MRM1: variants seen among roughly 807,000 people sequenced by gnomAD.
MRM1 encodes mitochondrial rRNA methyltransferase 1.
MRM1 carries 24 observed loss-of-function variants against 25.0 expected under a neutral mutation model. The ratio of observed to expected loss-of-function variants is 0.96; its 90% CI spans 0.69 to 1.35. MRM1 has a LOEUF of 1.35. Ranked by LOEUF, MRM1 falls within the 40% of genes most tolerant of loss-of-function variation. The pLI, the probability that MRM1 is intolerant of heterozygous loss-of-function variation, is 0.00. For missense variants in MRM1, 431 were observed against 464.1 expected, an observed-to-expected ratio of 0.93 and a Z score of 0.65; for synonymous variants, 188 against 199.2, an observed-to-expected ratio of 0.94 and a Z score of 0.47.
At chr17:36,620,335 A>G in the MRM1 span, among the ~76,000 whole-genome samples, 22 of 152,296 alleles carry the variant, frequency 1.4e-4, no homozygotes, top group African/African-American at 5.1e-4. Flanking sequence ...GACTATTGCA[A>G]CAGTTGAGGG....
At position 36,608,454 on chromosome 17, in the gene MRM1, A is replaced by ACGGC; in HGVS notation, c.*42_*45dup. On this transcript the variant is annotated 3_prime_UTR_variant, in exon 5 of 5. Coordinates refer to ENST00000614766, the MANE Select transcript of MRM1 (RefSeq NM_024864.5). ...CAGTGTTCATGTGCTGGAGTCAGGG[A>ACGGC]CGGCCGCACCTGCCTCCGCCGGCTC... 1 of 1,331,156 alleles carries ACGGC rather than the reference A, an allele frequency of 7.5e-7. No individual in the cohort carries two copies. Among genetic ancestry groups the ACGGC allele is most frequent in the Non-Finnish European group, 9.8e-7 (1 of 1,021,212 alleles). The allele number at this position is 1,331,156 out of a possible 1,614,324, so 82.5% of individuals were successfully genotyped here.
the MRM1 span, among the ~76,000 whole-genome samples, chr17:36,619,687 G>C: frequency 6.6e-5 from 10 of 151,886 alleles, no homozygotes; most frequent in East Asian, 1.7e-3. Flanking sequence ...AAAAGACGCT[G>C]CCTTCAGTTC....
chr17:36,613,512 C>G (rs529117801), downstream of MRM1, among the ~76,000 whole-genome samples: 1 of 152,348 alleles, frequency 6.6e-6, no homozygotes, highest in South Asian at 2.1e-4. Flanking sequence ...TTCAGGCCTC[C>G]TCCCCAGCCA....
chr17:36,615,249 C>G, the MRM1 span, among the ~76,000 whole-genome samples: 4 of 152,232 alleles, frequency 2.6e-5, no homozygotes, highest in African/African-American at 4.8e-5. Context: ...CCTGCCCTCT[C>G]TGCAGTCTGG....
At chr17:36,626,991 G>A in the MRM1 span, among the ~76,000 whole-genome samples, 1 of 152,236 alleles carries the variant, frequency 6.6e-6, no homozygotes, top group Non-Finnish European at 1.5e-5. Flanking sequence ...CTGCGCATCT[G>A]CGGACAGTCT....
intron 4 of MRM1, 100 bp from the exon 5 acceptor site, chr17:36,608,143 T>A: frequency 1.3e-6 from 2 of 1,524,524 alleles, no homozygotes; most frequent in Non-Finnish European, 1.8e-6. Flanking sequence ...ATGGGGAAAT[T>A]ACATCCCGTT....
At chr17:36,628,977 G>A in the MRM1 span, among the ~76,000 whole-genome samples, 108 of 152,246 alleles carry the variant, frequency 7.1e-4, 1 homozygote, top group East Asian at 2.1e-3. Flanking sequence ...AGAGACCCAT[G>A]AAACAGATTG....
the MRM1 span, among the ~76,000 whole-genome samples, chr17:36,632,468 A>T: frequency 8.5e-5 from 13 of 152,244 alleles, no homozygotes; most frequent in African/African-American, 3.1e-4. Flanking sequence ...CTGGGGCAAG[A>T]TGGGATGGTA....
Position 36,608,548 on chromosome 17 carries a change from G to C in MRM1, c.*133G>C, listed in dbSNP as rs1251904917. On this transcript the variant is annotated 3_prime_UTR_variant, in exon 5 of 5. Transcript: ENST00000614766. ...TTTATTGACCACAGTCTGGGGGGGG[G>C]GGAAGGGGACTGCGGTGGACACCAG... 7.9e-6 allele frequency: 4 copies of C among 506,276 alleles called. 2 individuals are homozygous for C. The highest frequency in any genetic ancestry group is 7.9e-5 in the East Asian group (2 of 25,276). 31.4% of individuals were successfully genotyped at this position (506,276 alleles called of 1,614,324 possible).
intron 2 of MRM1, chr17:36,603,420 TGA>T (rs2074900083): frequency 5.9e-6 from 1 of 170,148 alleles, no homozygotes; most frequent in African/African-American, 2.4e-5. Flanking sequence ...ATTAATTTTT[TGA>T]GAGAGTTTCA....
In MRM1 at chr17:36,602,353, G is replaced by T. The variant is rs779534627; in HGVS notation, c.542+1G>T. Reference sequence around the variant, plus strand: ...AGGTCATCACCAGCCGGAGAAACAGGCACGGACGTCCCTCATTCTCTATGT... The same window carrying T: ...AGGTCATCACCAGCCGGAGAAACAGTCACGGACGTCCCTCATTCTCTATGT... On this transcript the variant is annotated splice_donor_variant, in intron 1 of 4. Coordinates refer to ENST00000614766, the MANE Select transcript of MRM1 (RefSeq NM_024864.5). LOFTEE classifies it high-confidence loss of function. The surrounding 1 kb of genome is among the most constrained non-coding windows in gnomAD (Gnocchi z 4.1). The T allele has an allele frequency of 6.4e-7, 1 of 1,555,510 alleles. No individual in the cohort carries two copies. The highest frequency in any genetic ancestry group is 8.7e-7 in the Non-Finnish European group (1 of 1,147,698).
chr17:36,611,944 G>A (rs752175588), downstream of MRM1, among the ~76,000 whole-genome samples: 15 of 129,578 alleles, frequency 1.2e-4, no homozygotes, highest in Non-Finnish European at 1.7e-4. Flanking sequence ...ATAATCTCTT[G>A]AACACACGCA....
At chr17:36,627,966 G>A in the MRM1 span, among the ~76,000 whole-genome samples, 9 of 152,104 alleles carry the variant, frequency 5.9e-5, no homozygotes, top group Non-Finnish European at 1.0e-4. Flanking sequence ...GTGAGCCACT[G>A]CGCCCAGCCT....
At chr17:36,630,084 G>C in the MRM1 span, among the ~76,000 whole-genome samples, 1 of 152,172 alleles carries the variant, frequency 6.6e-6, no homozygotes, top group Non-Finnish European at 1.5e-5. Flanking sequence ...CTTCCTAATC[G>C]TTTCTGCTTT....
the MRM1 span, among the ~76,000 whole-genome samples, chr17:36,632,028 T>C: frequency 6.6e-6 from 1 of 152,168 alleles, no homozygotes; most frequent in African/African-American, 2.4e-5. Context: ...GTAATTTTTG[T>C]GTTTTTAGTA....
intron 2 of MRM1, 142 bp from the exon 3 acceptor site, chr17:36,607,528 T>C: frequency 4.1e-6 from 4 of 963,946 alleles, no homozygotes; most frequent in Non-Finnish European, 6.0e-6. Flanking sequence ...GAGGCTGAGG[T>C]GGGAGGATCA....
chr17:36,633,902 T>C, the MRM1 span, among the ~76,000 whole-genome samples: 3 of 152,172 alleles, frequency 2.0e-5, no homozygotes, highest in Admixed American at 6.5e-5. Context: ...GGAGATGAAT[T>C]CCAGGTGACT....
rs542115246 is a variant in MRM1 at position 36,608,569 on chromosome 17, A to G, written c.*154A>G. ...GGGGGGGAAGGGGACTGCGGTGGAC[A>G]CCAGAGGAAGCTGTTTCCTGTTGTG... On this transcript the variant is annotated 3_prime_UTR_variant, in exon 5 of 5. Coordinates refer to ENST00000614766, the MANE Select transcript of MRM1 (RefSeq NM_024864.5). The G allele has an allele frequency of 6.4e-5, 30 of 469,366 alleles. No individual in the cohort carries two copies. Among genetic ancestry groups the G allele is most frequent in the Non-Finnish European group, 1.5e-5 (4 of 274,700 alleles). 29.1% of individuals were successfully genotyped at this position (469,366 alleles called of 1,614,324 possible).
chr17:36,610,916 C>T (rs760534306), downstream of MRM1, among the ~76,000 whole-genome samples: 1 of 151,970 alleles, frequency 6.6e-6, no homozygotes, highest in East Asian at 1.9e-4. Flanking sequence ...TGGGTTCAAG[C>T]GGTTCTCCTG....
Sources: allele counts gnomAD v4.1 joint callset (sites outside exome capture counted in the v4.1 genomes callset), GRCh38; gene constraint gnomAD v4.1.1; non-coding constraint Gnocchi (gnomAD v3.1); transcripts MANE v1.5; gene names NCBI Gene and HGNC (gene_info 2026-07-23, HGNC 2026-07-21).